The following SLC4A3 variants were observed in gnomAD, a reference collection of about 807,000 sequenced individuals.
SLC4A3 encodes the protein anion exchange protein 3.
A neutral mutation model predicts 114.2 loss-of-function variants in SLC4A3; 47 were observed. The observed-to-expected ratio is 0.41, with a 90% CI of 0.33 to 0.52. SLC4A3 has a LOEUF of 0.52. Ranked by LOEUF, SLC4A3 falls within the 20% of genes least tolerant of loss-of-function variation. The pLI is 0.21. For synonymous variants in SLC4A3, 693 were observed against 710.3 expected (o/e 0.98, Z 0.39); for missense variants, 1,312 against 1,668.3 (o/e 0.79, Z 3.72).
Position 219,630,265 on chromosome 2 carries a change from G to T in SLC4A3, c.724G>T (p.Gly242Cys), listed in dbSNP as rs780964562. The change falls in exon 6 of 23, where the codon GGC becomes TGC. Residue 242 changes from glycine (G) to cysteine (C), a missense_variant. Physicochemically the swap from Gly to Cys is radical, Grantham distance 159 (BLOSUM62 -3). Around this residue, in one of 4 missense-constraint regions of SLC4A3, gnomAD observed 771 missense variants for 977.7 expected, o/e 0.79. Coordinates refer to ENST00000358055, the MANE Select transcript of SLC4A3 (RefSeq NM_005070.4). The surrounding 1 kb of genome is among the most constrained non-coding windows in gnomAD (Gnocchi z 6.9). ...GCGACTGTGCCCAGGCAGTGCCCTGGGCAACCCAGGTGGTCCAGAGCAGCA... is the reference window on the plus strand; with the variant it reads ...GCGACTGTGCCCAGGCAGTGCCCTGTGCAACCCAGGTGGTCCAGAGCAGCA... Reference protein sequence around the residue: ...RERLCPGSALGNPGGPEQQVP... With the variant: ...RERLCPGSALCNPGGPEQQVP... The T allele has an allele frequency of 2.5e-6, 4 of 1,613,404 alleles. No homozygotes were observed. The highest frequency in any genetic ancestry group is 3.4e-6 in the Non-Finnish European group (4 of 1,179,898).
At position 219,639,575 on chromosome 2, in the gene SLC4A3, G is replaced by T; in HGVS notation, c.3117G>T (p.Gly1039=). ...LLIGSLGGLC[G]LFGLPWLTAA... ...TTGGCTCCCTGGGGGGGCTCTGTGG[G>T]CTGTTTGGGTTGCCCTGGCTCACGG... Residue 1039 remains glycine (G), a synonymous_variant, in exon 20 of 23, where the codon GGG becomes GGT. Coordinates refer to ENST00000358055, the MANE Select transcript of SLC4A3 (RefSeq NM_005070.4). The surrounding 1 kb of genome is among the most constrained non-coding windows in gnomAD (Gnocchi z 5.9). 1.2e-6 allele frequency: 2 copies of T among 1,614,048 alleles called. No homozygotes were observed. Among genetic ancestry groups the T allele is most frequent in the Admixed American group, 3.3e-5 (2 of 60,020 alleles).
intron 5 of SLC4A3, 45 bp downstream of exon 5, chr2:219,629,740 C>A: frequency 7.2e-7 from 1 of 1,380,522 alleles, no homozygotes; most frequent in Non-Finnish European, 1.0e-6. Context: ...CCCAGAGCCA[C>A]AGGGTCCAGA....
Position 219,630,216 on chromosome 2 carries a change from A to G in SLC4A3, c.675A>G (p.Pro225=). The G allele has an allele frequency of 6.2e-7, 1 of 1,613,096 alleles. No individual in the cohort carries two copies. Among genetic ancestry groups the G allele is most frequent in the Non-Finnish European group, 8.5e-7 (1 of 1,179,730 alleles). Residue 225 remains proline (P), a synonymous_variant, in exon 6 of 23, where the codon CCA becomes CCG. Coordinates refer to ENST00000358055, the MANE Select transcript of SLC4A3 (RefSeq NM_005070.4). This position sits in a 1 kb window ranked among gnomAD's most constrained non-coding sequence, Gnocchi z 6.9. ...LAGEKSRPWS[P]SASYDLRERL... Reference sequence around the variant, plus strand: ...GGGAGAAAAGCCGGCCCTGGAGCCCATCGGCCAGTTATGACCTGCGGGAGC... The same window carrying G: ...GGGAGAAAAGCCGGCCCTGGAGCCCGTCGGCCAGTTATGACCTGCGGGAGC...
At position 219,633,547 on chromosome 2, in the gene SLC4A3, G is replaced by A; in HGVS notation, c.1461+90G>A. 4.9e-6 allele frequency: 6 copies of A among 1,222,220 alleles called. No individual in the cohort carries two copies. In the South Asian group the frequency reaches 6.8e-5, roughly 14 times the overall value. 75.7% of individuals were successfully genotyped at this position (1,222,220 alleles called of 1,614,324 possible). A position where few individuals can be genotyped will look rare whatever the true frequency, so the allele number is the denominator to read the frequency against. ...TCGACGACTTCACTGAGTGGGTTGGGAAGGTTGGATTGCTGGCATCATGCT... is the reference window on the plus strand; with the variant it reads ...TCGACGACTTCACTGAGTGGGTTGGAAAGGTTGGATTGCTGGCATCATGCT... On this transcript the variant is annotated intron_variant, in intron 10 of 22. Transcript: ENST00000358055.
In SLC4A3 at chr2:219,632,107, G is replaced by A. The variant is rs759304060; in HGVS notation, c.951G>A (p.Arg317=). The change falls in exon 7 of 23, where the codon AGG becomes AGA. Residue 317 remains arginine (R), a synonymous_variant. Transcript: ENST00000358055. ...AGAAGAAGAAAAAGCTGGACCGGAG[G>A]CCTCATGAGGTCAGGATGCTGACTG... The part of the protein sequence containing the change: ...RKKKKKKLDR[R]PHEVFVELNE... 1.2e-6 allele frequency: 2 copies of A among 1,613,308 alleles called. No individual in the cohort carries two copies. Among genetic ancestry groups the A allele is most frequent in the African/African-American group, 1.3e-5 (1 of 74,910 alleles).
In SLC4A3 at chr2:219,628,131, C is replaced by T. The variant is rs1698783521; in HGVS notation, c.51+88C>T. 1.8e-6 allele frequency: 2 copies of T among 1,101,106 alleles called. No individual in the cohort carries two copies. The highest frequency in any genetic ancestry group is 2.5e-6 in the Non-Finnish European group (2 of 794,368). The allele number at this position is 1,101,106 out of a possible 1,614,324, so 68.2% of individuals were successfully genotyped here. ...GGCAGAGGAGTCCTCTGGCCGACCC[C>T]GGGACCCCCCAGATCCAGGGATGAG... On this transcript the variant is annotated intron_variant, in intron 2 of 22. Coordinates refer to ENST00000358055, the MANE Select transcript of SLC4A3 (RefSeq NM_005070.4). This position sits in a 1 kb window ranked among gnomAD's most constrained non-coding sequence, Gnocchi z 4.8.
In SLC4A3 at chr2:219,636,467, C is replaced by T; in HGVS notation, c.2340+17C>T. 1 of 1,588,656 alleles carries T rather than the reference C, an allele frequency of 6.3e-7. No individual in the cohort carries two copies. The highest frequency in any genetic ancestry group is 1.2e-5 in the South Asian group (1 of 85,934). On this transcript the variant is annotated intron_variant, in intron 15 of 22. Transcript: ENST00000358055. This position sits in a 1 kb window ranked among gnomAD's most constrained non-coding sequence, Gnocchi z 5.5. ...TTCTTCAAGGTGAGGCGAAGCCTTG[C>T]CCTGCTCCATCCATCCTGCCCCACA...
intron 9 of SLC4A3, 92 bp downstream of exon 9, chr2:219,633,101 A>G (rs1698993234): frequency 6.7e-7 from 1 of 1,500,850 alleles, no homozygotes; most frequent in Admixed American, 1.8e-5. Context: ...CCTCTGCTTG[A>G]ATGCCACAAG....
Position 219,629,157 on chromosome 2 carries a change from A to G in SLC4A3, c.231A>G (p.Thr77=), listed in dbSNP as rs1341755469. 1 of 1,597,562 alleles carries G rather than the reference A, an allele frequency of 6.3e-7. No homozygotes were observed. Among genetic ancestry groups the G allele is most frequent in the Non-Finnish European group, 8.5e-7 (1 of 1,171,592 alleles). Residue 77 remains threonine (T), a synonymous_variant, in exon 4 of 23, where the codon ACA becomes ACG. Coordinates refer to ENST00000358055, the MANE Select transcript of SLC4A3 (RefSeq NM_005070.4). ...CTGCACCCCCAGTTCACCGGCACACATCCCACCACACCCACCACCCGCTCT... is the reference window on the plus strand; with the variant it reads ...CTGCACCCCCAGTTCACCGGCACACGTCCCACCACACCCACCACCCGCTCT... ...SERDFEFHRH[T]SHHTHHPLSA...
chr2:219,632,142 G>C (rs1311703997), intron 7 of SLC4A3, 26 bp downstream of exon 7: 1 of 1,610,162 alleles, frequency 6.2e-7, no homozygotes, highest in Admixed American at 1.7e-5. Flanking sequence ...GGGTGGGCCT[G>C]TGGCTTCCTC....
Position 219,632,134 on chromosome 2 carries a change from G to A in SLC4A3, c.960+18G>A. 1.2e-6 allele frequency: 2 copies of A among 1,610,890 alleles called. No homozygotes were observed. Among genetic ancestry groups the A allele is most frequent in the Non-Finnish European group, 1.7e-6 (2 of 1,178,604 alleles). On this transcript the variant is annotated intron_variant, in intron 7 of 22. Transcript: ENST00000358055. Reference sequence around the variant, plus strand: ...CTCATGAGGTCAGGATGCTGACTGGGTGGGCCTGTGGCTTCCTCATGCCCC... The same window carrying A: ...CTCATGAGGTCAGGATGCTGACTGGATGGGCCTGTGGCTTCCTCATGCCCC...
chr2:219,633,539 T>A (rs1699013133), intron 10 of SLC4A3, 82 bp downstream of exon 10: 2 of 1,268,010 alleles, frequency 1.6e-6, no homozygotes, highest in East Asian at 5.3e-5. Context: ...CTTCACTGAG[T>A]GGGTTGGGAA....
intron 10 of SLC4A3, 43 bp from the exon 11 acceptor site, chr2:219,633,837 C>G (rs1699025574): frequency 3.9e-6 from 6 of 1,550,844 alleles, no homozygotes; most frequent in Non-Finnish European, 5.2e-6. Context: ...CTGCCACGGC[C>G]TCCGGTCTGG....
chr2:219,631,857 G>T lies in SLC4A3; in HGVS notation c.812-111G>T. ...TATGTGGTTCCCGTCGGCATGGCCT[G>T]TTGGTGACTGTAGAGCTCACCAAGT... On this transcript the variant is annotated intron_variant, in intron 6 of 22. Transcript: ENST00000358055. The surrounding 1 kb of genome is among the most constrained non-coding windows in gnomAD (Gnocchi z 6.3). 1 of 1,206,332 alleles carries T rather than the reference G, an allele frequency of 8.3e-7. No individual in the cohort carries two copies. Among genetic ancestry groups the T allele is most frequent in the Middle Eastern group, 3.0e-4 (1 of 3,378 alleles). 74.7% of individuals were successfully genotyped at this position (1,206,332 alleles called of 1,614,324 possible). A position where few individuals can be genotyped will look rare whatever the true frequency, so the allele number is the denominator to read the frequency against.
In SLC4A3 at chr2:219,634,491, G is replaced by A. The variant is rs1209895646; in HGVS notation, c.1633G>A (p.Val545Met). 6.2e-7 allele frequency: 1 copy of A among 1,614,194 alleles called. No individual in the cohort carries two copies. The highest frequency in any genetic ancestry group is 8.5e-7 in the Non-Finnish European group (1 of 1,180,038). The stretch of plus-strand genomic sequence containing the variant: ...GAATGAGGCTGTACTCCTGGAGTCT[G>A]TGCTTGAGGTCCCTGTCCCGGTCCG... ...RLNEAVLLES[V>M]LEVPVPVRFL... Residue 545 changes from valine to methionine, a missense_variant, in exon 12 of 23, where the codon GTG becomes ATG. By Grantham distance (21) the Val-to-Met change is conservative. This residue lies in a region of SLC4A3 where 771 missense variants were observed against 977.7 expected (regional missense o/e 0.79). Coordinates refer to ENST00000358055, the MANE Select transcript of SLC4A3 (RefSeq NM_005070.4).
At position 219,638,601 on chromosome 2, in the gene SLC4A3, C is replaced by G; in HGVS notation, c.2857-102C>G. 8.2e-7 allele frequency: 1 copy of G among 1,214,016 alleles called. No individual in the cohort carries two copies. The highest frequency in any genetic ancestry group is 1.2e-6 in the Non-Finnish European group (1 of 854,230). 75.2% of individuals were successfully genotyped at this position (1,214,016 alleles called of 1,614,324 possible). ...TTCCCCTGACCTGTTCACACCCCAG[C>G]TCCCTGAAGTCCTGGACTGGGGACG... On this transcript the variant is annotated intron_variant, in intron 18 of 22. Transcript: ENST00000358055. This position sits in a 1 kb window ranked among gnomAD's most constrained non-coding sequence, Gnocchi z 7.5.
In SLC4A3 at chr2:219,641,957, A is replaced by G. The variant is rs1699340533; in HGVS notation, c.*229A>G. The G allele has an allele frequency of 2.3e-6, 1 of 432,840 alleles. No homozygotes were observed. Among genetic ancestry groups the G allele is most frequent in the Admixed American group, 4.0e-5 (1 of 25,238 alleles). 26.8% of individuals were successfully genotyped at this position (432,840 alleles called of 1,614,324 possible). ...CAGGCTTTGAGCTCATTATAACCACACTCCTTGTCTCGTGTCTGCCTCACT... is the reference window on the plus strand; with the variant it reads ...CAGGCTTTGAGCTCATTATAACCACGCTCCTTGTCTCGTGTCTGCCTCACT... On this transcript the variant is annotated 3_prime_UTR_variant, in exon 23 of 23. Coordinates refer to ENST00000358055, the MANE Select transcript of SLC4A3 (RefSeq NM_005070.4). The surrounding 1 kb of genome is among the most constrained non-coding windows in gnomAD (Gnocchi z 4.0).
chr2:219,639,894 C>G lies in SLC4A3; in HGVS notation c.3277+159C>G, dbSNP rs891093494. On this transcript the variant is annotated intron_variant, in intron 20 of 22. Transcript: ENST00000358055. This position sits in a 1 kb window ranked among gnomAD's most constrained non-coding sequence, Gnocchi z 5.9. ...CCAGCACTCCCCTAGCCCTTTACTC[C>G]TGGAGTCCTTTTCTGGCTCTCTGTC... Among the ~76,000 whole-genome samples the G allele has an allele frequency of 6.6e-5, 10 of 152,166 alleles. No homozygotes were observed. Among genetic ancestry groups the G allele is most frequent in the African/African-American group, 2.2e-4 (9 of 41,440 alleles).
In SLC4A3 at chr2:219,636,313, G is replaced by A. The variant is rs369964886; in HGVS notation, c.2203G>A (p.Glu735Lys). 2.5e-6 allele frequency: 4 copies of A among 1,613,710 alleles called. No individual in the cohort carries two copies. Among genetic ancestry groups the A allele is most frequent in the Non-Finnish European group, 2.5e-6 (3 of 1,179,940 alleles). Reference sequence around the variant, plus strand: ...CCGTGCTATGGCAGGAGAGAAGACCGAGGGGCTGATGGGCGTGTCCGAGCT... The same window carrying A: ...CCGTGCTATGGCAGGAGAGAAGACCAAGGGGCTGATGGGCGTGTCCGAGCT... ...TFGGLLGEKTEGLMGVSELIV... is the reference protein window; with the variant it reads ...TFGGLLGEKTKGLMGVSELIV... Residue 735 changes from glutamate (E) to lysine (K), a missense_variant, in exon 15 of 23, where the codon GAG (glutamate) becomes AAG (lysine). Around this residue, in one of 4 missense-constraint regions of SLC4A3, gnomAD observed 771 missense variants for 977.7 expected, o/e 0.79. Coordinates refer to ENST00000358055, the MANE Select transcript of SLC4A3 (RefSeq NM_005070.4). This position sits in a 1 kb window ranked among gnomAD's most constrained non-coding sequence, Gnocchi z 5.5.
Sources: allele counts gnomAD v4.1 joint callset (sites outside exome capture counted in the v4.1 genomes callset), GRCh38; gene constraint gnomAD v4.1.1; regional missense constraint gnomAD v4.1.1; non-coding constraint Gnocchi (gnomAD v3.1); transcripts MANE v1.5; gene names NCBI Gene and HGNC (gene_info 2026-07-23, HGNC 2026-07-21).